The following CBFA2T3 variants were observed in gnomAD, a reference collection of about 807,000 sequenced individuals.
CBFA2T3 encodes CBFA2/RUNX1 partner transcriptional co-repressor 3, also known as transcriptional corepressor CBFA2T3.
Under a neutral mutation model 58.6 loss-of-function variants are expected in CBFA2T3, and 31 were observed. The ratio of observed to expected loss-of-function variants is 0.53; its 90% CI spans 0.40 to 0.71. The LOEUF is 0.71. CBFA2T3 is among the 30% of genes least tolerant of loss of function. The pLI, the probability that CBFA2T3 is intolerant of heterozygous loss-of-function variation, is 0.00. For synonymous variants in CBFA2T3, 531 were observed against 421.9 expected (o/e 1.26, Z -3.17); for missense variants, 1,076 against 963.1 (o/e 1.12, Z -1.55).
At chr16:88,897,818 G>A (rs1397383193) in intron 3 of CBFA2T3, among the ~76,000 whole-genome samples, 1 of 152,240 alleles carries the variant, frequency 6.6e-6, no homozygotes, top group African/African-American at 2.4e-5. Context: ...GCTGGGGAAG[G>A]AGAGCTCAGA....
At position 88,876,755 on chromosome 16, in the gene CBFA2T3, T is replaced by C; in HGVS notation, c.*221A>G. The C allele has an allele frequency of 2.1e-6, 1 of 474,804 alleles. No homozygotes were observed. 29.4% of individuals were successfully genotyped at this position (474,804 alleles called of 1,614,324 possible). ...TCAGGAGGTCTCCGCGCGGAATCAT[T>C]AGGTAGCTGAGGCAGGTGCACTGAA... On this transcript the variant is annotated 3_prime_UTR_variant, in exon 12 of 12. Transcript: ENST00000268679.
At chr16:88,913,195 C>G (rs1432287626) in intron 1 of CBFA2T3, among the ~76,000 whole-genome samples, 2 of 152,236 alleles carry the variant, frequency 1.3e-5, no homozygotes, top group African/African-American at 4.8e-5. Flanking sequence ...GGCGGGCAGC[C>G]CCACTAGCCC....
In CBFA2T3 at chr16:88,881,349, G is replaced by A. The variant is rs374570965; in HGVS notation, c.1344C>T (p.Pro448=). The A allele has an allele frequency of 2.6e-4, 410 of 1,584,056 alleles. No individual in the cohort carries two copies. The highest frequency in any genetic ancestry group is 3.2e-4 in the Non-Finnish European group (376 of 1,166,968). ...TGCGGGGCCGGGCCGCGGCGGGAGCGGGGCCCTTCTTTGTGTCCTCGGCGT... is the reference window on the plus strand; with the variant it reads ...TGCGGGGCCGGGCCGCGGCGGGAGCAGGGCCCTTCTTTGTGTCCTCGGCGT... ...YSDAEDTKKG[P]APAAARPRSS... is the part of the protein sequence containing the mutation. The change falls in exon 9 of 12, where the codon CCC becomes CCT. Residue 448 remains proline, a synonymous_variant. Transcript: ENST00000268679.
chr16:88,891,870 G>A lies in CBFA2T3; in HGVS notation c.711+12C>T. The stretch of plus-strand genomic sequence containing the variant: ...GAGGCTCCCGCAGCACGGGGGACGG[G>A]TTTCGCATTACCTTCAGGAAGGGAA... On this transcript the variant is annotated intron_variant, in intron 5 of 11. Transcript: ENST00000268679. The A allele has an allele frequency of 6.3e-7, 1 of 1,595,564 alleles. No homozygotes were observed. Among genetic ancestry groups the A allele is most frequent in the Non-Finnish European group, 8.6e-7 (1 of 1,165,750 alleles).
chr16:88,893,444 G>A (rs1969733949), intron 3 of CBFA2T3, among the ~76,000 whole-genome samples: 1 of 152,052 alleles, frequency 6.6e-6, no homozygotes, highest in Admixed American at 6.6e-5. Context: ...CAATGTCCCA[G>A]ACAGGTGACT....
chr16:88,917,449 A>G lies in CBFA2T3; in HGVS notation c.152-15793T>C, dbSNP rs545924079. ...GGACCCTCCCACGTGCAGGGCCTGC[A>G]GGGAAGGCTCAGCTGTCTGCGGAGG... On this transcript the variant is annotated intron_variant, in intron 1 of 11. Coordinates refer to ENST00000268679, the MANE Select transcript of CBFA2T3 (RefSeq NM_005187.6). Among the ~76,000 whole-genome samples the G allele has an allele frequency of 4.7e-3, 713 of 152,350 alleles. 2 individuals carry two copies. The highest frequency in any genetic ancestry group is 0.016 in the African/African-American group (686 of 41,580).
In CBFA2T3 at chr16:88,875,084, C is replaced by T. The variant is rs528911985; in HGVS notation, c.*1892G>A. 87 of 236,166 alleles carry T rather than the reference C, an allele frequency of 3.7e-4. No individual in the cohort carries two copies. The highest frequency in any genetic ancestry group is 1.4e-3 in the African/African-American group (63 of 45,086). 14.6% of individuals were successfully genotyped at this position (236,166 alleles called of 1,614,324 possible). A position where few individuals can be genotyped will look rare whatever the true frequency, so the allele number is the denominator to read the frequency against. ...AGATGCCAGGCCACGGGCCACGCCA[C>T]GCGCACAGATGCCAGGCCACGGGCC... On this transcript the variant is annotated 3_prime_UTR_variant, in exon 12 of 12. Transcript: ENST00000268679.
intron 1 of CBFA2T3, among the ~76,000 whole-genome samples, chr16:88,935,237 A>G (rs554654167): frequency 6.6e-6 from 1 of 152,294 alleles, no homozygotes; most frequent in East Asian, 1.9e-4. Context: ...GAGAGGCTGC[A>G]TGGAAGGGCC....
intron 5 of CBFA2T3, among the ~76,000 whole-genome samples, chr16:88,889,458 C>T (rs1471357322): frequency 1.3e-5 from 2 of 151,588 alleles, no homozygotes; most frequent in South Asian, 2.1e-4. Flanking sequence ...GTGGGGTCCC[C>T]TTGGGGAGGG....
rs763075763 is a variant in CBFA2T3 at position 88,882,676 on chromosome 16, G to A, written c.1203C>T (p.Asn401=). The change falls in exon 8 of 12, where the codon AAC becomes AAT. Residue 401 remains asparagine, a splice_region_variant and synonymous_variant. Transcript: ENST00000268679. ...EWAEEWKHLN[N]LLNCIMDMVE... ...GGCGTGGCTGTGTGTGGACACTCACGTTGTTGAGGTGCTTCCACTCTTCTG... is the reference window on the plus strand; with the variant it reads ...GGCGTGGCTGTGTGTGGACACTCACATTGTTGAGGTGCTTCCACTCTTCTG... 4.4e-5 allele frequency: 70 copies of A among 1,574,758 alleles called. No individual in the cohort carries two copies. Among genetic ancestry groups the A allele is most frequent in the Non-Finnish European group, 5.6e-5 (65 of 1,158,348 alleles).
chr16:88,892,156 C>T, intron 4 of CBFA2T3, 88 bp downstream of exon 4: 2 of 1,494,534 alleles, frequency 1.3e-6, no homozygotes, highest in Middle Eastern at 4.8e-4. Context: ...CAGCGTGGAG[C>T]CCATGTAAGG....
chr16:88,893,301 C>A (rs181649868), intron 3 of CBFA2T3, among the ~76,000 whole-genome samples: 227 of 145,076 alleles, frequency 1.6e-3, no homozygotes, highest in Middle Eastern at 0.014. Context: ...AGCAATGTGC[C>A]CCCCCCGACA....
In CBFA2T3 at chr16:88,886,002, T is replaced by A; in HGVS notation, c.852A>T (p.Leu284=). 1 of 1,557,796 alleles carries A rather than the reference T, an allele frequency of 6.4e-7. No individual in the cohort carries two copies. The highest frequency in any genetic ancestry group is 8.7e-7 in the Non-Finnish European group (1 of 1,151,630). The change falls in exon 6 of 12, where the codon CTA becomes CTT. Residue 284 remains leucine (L), a synonymous_variant. Coordinates refer to ENST00000268679, the MANE Select transcript of CBFA2T3 (RefSeq NM_005187.6). ...ASSPIDSSEL[L]LEVNENGKRR... Reference sequence around the variant, plus strand: ...TCTTGCCGTTCTCGTTGACTTCCAGTAGCAGCTCTGAGGAGTCGATGGGGG... The same window carrying A: ...TCTTGCCGTTCTCGTTGACTTCCAGAAGCAGCTCTGAGGAGTCGATGGGGG...
At chr16:88,955,160 G>C (rs1298422408) in intron 1 of CBFA2T3, among the ~76,000 whole-genome samples, 6 of 12,412 alleles carry the variant, frequency 4.8e-4, no homozygotes, top group African/African-American at 1.1e-3. Flanking sequence ...CCTGACCCCA[G>C]CCAAGGCTCC....
Position 88,898,213 on chromosome 16 carries a change from CA to C in CBFA2T3, c.305-62del, listed in dbSNP as rs1418745970. The C allele has an allele frequency of 4.6e-6, 6 of 1,314,014 alleles. No individual in the cohort carries two copies. The East Asian group carries it at 9.2e-5, about 20-fold the overall frequency. The allele number at this position is 1,314,014 out of a possible 1,614,324, so 81.4% of individuals were successfully genotyped here. Reference sequence around the variant, plus strand: ...GGGCGTGGGCAGGAGACTCTGCCCTCAGGGGCGCCCGCGGCCACCTTTTCCT... The same window carrying C: ...GGGCGTGGGCAGGAGACTCTGCCCTCGGGGCGCCCGCGGCCACCTTTTCCT... On this transcript the variant is annotated intron_variant, in intron 2 of 11. Coordinates refer to ENST00000268679, the MANE Select transcript of CBFA2T3 (RefSeq NM_005187.6).
chr16:88,928,006 C>T (rs3809588), intron 1 of CBFA2T3, among the ~76,000 whole-genome samples: 2 of 152,172 alleles, frequency 1.3e-5, no homozygotes, highest in South Asian at 2.1e-4. Context: ...CCACAGGCAG[C>T]GGCTCCCGGC....
intron 1 of CBFA2T3, among the ~76,000 whole-genome samples, chr16:88,964,822 C>G (rs1467150081): frequency 6.6e-6 from 1 of 151,386 alleles, no homozygotes; most frequent in Non-Finnish European, 1.5e-5. Context: ...ATCTATTCAT[C>G]CATCTATCTA....
intron 1 of CBFA2T3, among the ~76,000 whole-genome samples, chr16:88,934,085 G>A (rs1646233): frequency 0.067 from 10,155 of 151,924 alleles, 785 homozygotes; most frequent in African/African-American, 0.19. Context: ...ACGTGGCCAC[G>A]AGACAGTCTG....
Position 88,925,232 on chromosome 16 carries a change from G to C in CBFA2T3, c.152-23576C>G, listed in dbSNP as rs147587356. ...AGCCCCCGGCCTTGGGAAGGTGCCAGGCAGGCAGATGGGCCGGGCTTGGGC... is the reference window on the plus strand; with the variant it reads ...AGCCCCCGGCCTTGGGAAGGTGCCACGCAGGCAGATGGGCCGGGCTTGGGC... On this transcript the variant is annotated intron_variant, in intron 1 of 11. Coordinates refer to ENST00000268679, the MANE Select transcript of CBFA2T3 (RefSeq NM_005187.6). Among the ~76,000 whole-genome samples, 1,252 of 152,360 alleles carry C rather than the reference G, an allele frequency of 8.2e-3. 6 individuals carry two copies. Among genetic ancestry groups the C allele is most frequent in the East Asian group, 0.021 (107 of 5,178 alleles).
Sources: gnomAD v4.1 joint callset for allele counts (sites outside exome capture counted in the v4.1 genomes callset) on GRCh38, gnomAD v4.1.1 for gene constraint, MANE v1.5 for transcripts, NCBI Gene and HGNC (gene_info 2026-07-23, HGNC 2026-07-21) for gene names.